Variants in AK7 observed in about 807,000 individuals in gnomAD.
AK7 encodes the protein ATP-AMP transphosphorylase 7.
In AK7, 78 loss-of-function variants were observed where a neutral mutation model predicts 96.6. The observed-to-expected ratio is 0.81, with a 90% confidence interval of 0.67 to 0.97. The LOEUF is 0.97. AK7 is among the 50% of genes least tolerant of loss of function. The probability of loss-of-function intolerance (pLI) is 0.00; values close to 1 mark genes in which losing one functional copy is unlikely to be tolerated. For missense variants in AK7, 855 were observed against 887.9 expected (o/e 0.96, Z 0.47); for synonymous variants, 302 against 317.2 (o/e 0.95, Z 0.51).
At chr14:96,403,618 C>T (rs761575327) in intron 2 of AK7, among the ~76,000 whole-genome samples, 5 of 152,144 alleles carry the variant, frequency 3.3e-5, no homozygotes, top group South Asian at 4.1e-4. Context: ...CATCAACTTC[C>T]CTTTGTTTTT....
intron 10 of AK7, among the ~76,000 whole-genome samples, chr14:96,455,804 T>C (rs982755064): frequency 6.6e-6 from 1 of 152,146 alleles, no homozygotes; most frequent in Non-Finnish European, 1.5e-5. Flanking sequence ...AACCAGAACA[T>C]GAACTGTCTG....
chr14:96,481,310 T>C (rs111359522), intron 15 of AK7, among the ~76,000 whole-genome samples: 194 of 152,222 alleles, frequency 1.3e-3, no homozygotes, highest in Non-Finnish European at 2.1e-3. Context: ...CTACTCAGAG[T>C]AATCAGGGAG....
intron 15 of AK7, among the ~76,000 whole-genome samples, chr14:96,482,391 A>G (rs1895549901): frequency 6.6e-6 from 1 of 152,158 alleles, no homozygotes; most frequent in Non-Finnish European, 1.5e-5. Context: ...ACACCTTCCA[A>G]GCAGCCCTAA....
chr14:96,402,265 A>G lies in AK7; in HGVS notation c.295-2492A>G, dbSNP rs188817958. Among the ~76,000 whole-genome samples the G allele has an allele frequency of 1.7e-3, 262 of 151,974 alleles. 1 individual carries two copies. The highest frequency in any genetic ancestry group is 6.1e-3 in the African/African-American group (253 of 41,456). ...CTATATATTATTCATTTTTGCCTCTATTACTACAGTCAAAAGCAGGGCCCA... is the reference window on the plus strand; with the variant it reads ...CTATATATTATTCATTTTTGCCTCTGTTACTACAGTCAAAAGCAGGGCCCA... On this transcript the variant is annotated intron_variant, in intron 2 of 17. Coordinates refer to ENST00000267584, the MANE Select transcript of AK7 (RefSeq NM_152327.5).
chr14:96,442,692 A>G, intron 6 of AK7, 38 bp from the exon 7 acceptor site: 1 of 1,522,876 alleles, frequency 6.6e-7, no homozygotes, highest in Non-Finnish European at 9.1e-7. Context: ...CCATCCACAT[A>G]TAACTGGGGG....
chr14:96,468,758 A>G (rs770002164), intron 12 of AK7, among the ~76,000 whole-genome samples: 20 of 151,964 alleles, frequency 1.3e-4, no homozygotes, highest in Non-Finnish European at 2.8e-4. Context: ...ATTTTTAAAC[A>G]TGTTTTAGTA....
chr14:96,479,568 CT>C (rs1476128896), intron 15 of AK7, among the ~76,000 whole-genome samples: 2 of 152,038 alleles, frequency 1.3e-5, no homozygotes, highest in African/African-American at 4.8e-5. Flanking sequence ...GCAAATAGCT[CT>C]TCACTGCGTT....
chr14:96,405,658 G>A (rs1412213947), intron 3 of AK7, among the ~76,000 whole-genome samples: 1 of 152,152 alleles, frequency 6.6e-6, no homozygotes, highest in Admixed American at 6.5e-5. Flanking sequence ...AAAGGGGGGT[G>A]CGCTCACAAG....
chr14:96,430,421 C>T (rs1470337241), intron 5 of AK7, among the ~76,000 whole-genome samples: 1 of 152,070 alleles, frequency 6.6e-6, no homozygotes, highest in Non-Finnish European at 1.5e-5. Flanking sequence ...ATCTCCTGAC[C>T]TCGTGATCCG....
intron 3 of AK7, among the ~76,000 whole-genome samples, chr14:96,407,914 A>G (rs1187824941): frequency 1.3e-5 from 2 of 152,162 alleles, no homozygotes; most frequent in African/African-American, 2.4e-5. Flanking sequence ...CATGAAGAAT[A>G]TGTTAATGGA....
At chr14:96,448,084 G>A (rs533293407) in intron 8 of AK7, among the ~76,000 whole-genome samples, 1 of 149,404 alleles carries the variant, frequency 6.7e-6, no homozygotes, top group East Asian at 2.0e-4. Context: ...AGCCAAGATT[G>A]TGTCATTGCA....
At chr14:96,428,235 T>C (rs1595400654) in intron 5 of AK7, among the ~76,000 whole-genome samples, 1 of 151,216 alleles carries the variant, frequency 6.6e-6, no homozygotes, top group Non-Finnish European at 1.5e-5. Flanking sequence ...GTCCTTGCAA[T>C]AGTTTGCTCA....
chr14:96,454,844 C>A (rs979741981), intron 10 of AK7, among the ~76,000 whole-genome samples: 31 of 151,844 alleles, frequency 2.0e-4, no homozygotes, highest in African/African-American at 7.5e-4. Context: ...CGATGCCTGG[C>A]CTAAAAATTA....
chr14:96,474,446 T>TAAAAAAAAAAAAAAAAAAAAAACAAAAA (rs1170896129), intron 14 of AK7, among the ~76,000 whole-genome samples: 1 of 101,470 alleles, frequency 9.9e-6, no homozygotes, highest in African/African-American at 3.8e-5. Context: ...TCATATCTAC[T>TAAAAAAAAAAAAAAAAAAAAAACAAAAA]AAAAAAAAAA....
rs571527872 is a variant in AK7 at position 96,402,189 on chromosome 14, A to C, written c.295-2568A>C. Among the ~76,000 whole-genome samples the C allele has an allele frequency of 2.3e-3, 239 of 104,328 alleles. 1 individual carries two copies. The highest frequency in any genetic ancestry group is 4.7e-3 in the Middle Eastern group (1 of 214). 68.4% of individuals were successfully genotyped at this position (104,328 alleles called of 152,430 possible). ...CAAGAAAGTGCATACACAGATGCACACACACACACACACACACACACACAC... is the reference window on the plus strand; with the variant it reads ...CAAGAAAGTGCATACACAGATGCACCCACACACACACACACACACACACAC... On this transcript the variant is annotated intron_variant, in intron 2 of 17. Coordinates refer to ENST00000267584, the MANE Select transcript of AK7 (RefSeq NM_152327.5).
chr14:96,398,446 G>T, intron 2 of AK7, 183 bp downstream of exon 2: 1 of 646,986 alleles, frequency 1.5e-6, no homozygotes, highest in Non-Finnish European at 2.6e-6. Flanking sequence ...TTTAATTTTC[G>T]GCCAAAGCAA....
At chr14:96,483,353 T>C (rs1446202798) in intron 16 of AK7, 134 bp downstream of exon 16, 2 of 872,300 alleles carry the variant, frequency 2.3e-6, no homozygotes, top group East Asian at 5.4e-5. Flanking sequence ...AACAAATTTG[T>C]GTTTGCTTTT....
intron 12 of AK7, among the ~76,000 whole-genome samples, chr14:96,468,459 C>A (rs1004337745): frequency 2.0e-5 from 3 of 151,968 alleles, no homozygotes; most frequent in African/African-American, 7.3e-5. Context: ...CCACGCCCGG[C>A]TAATTATTTT....
intron 5 of AK7, 40 bp downstream of exon 5, chr14:96,420,972 C>A (rs376941459): frequency 7.4e-7 from 1 of 1,347,476 alleles, no homozygotes; most frequent in Non-Finnish European, 1.1e-6. Context: ...CATCTGAAGT[C>A]TTTAAACATC....
Sources: allele counts gnomAD v4.1 joint callset (sites outside exome capture counted in the v4.1 genomes callset), GRCh38; gene constraint gnomAD v4.1.1; transcripts MANE v1.5; gene names NCBI Gene and HGNC (gene_info 2026-07-23, HGNC 2026-07-21).